Variants in EBF3 observed in about 807,000 individuals in gnomAD.
EBF3 encodes EBF transcription factor 3.
A neutral mutation model predicts 77.1 loss-of-function variants in EBF3; 18 were observed. That is an observed-to-expected ratio of 0.23 (90% CI 0.16 to 0.35). The LOEUF (loss-of-function observed/expected upper bound fraction) is 0.35, where lower values mean the gene tolerates loss of function less well. Among genes scored for constraint, EBF3 ranks in the 10% least tolerant of loss-of-function variants. The pLI is 1.00. For missense variants in EBF3, 558 were observed against 860.0 expected (o/e 0.65, Z 4.39); for synonymous variants, 350 against 343.5 (o/e 1.02, Z -0.21).
intron 6 of EBF3, among the ~76,000 whole-genome samples, chr10:129,936,416 C>T (rs1857361347): frequency 6.6e-6 from 1 of 152,232 alleles, no homozygotes; most frequent in Non-Finnish European, 1.5e-5. Flanking sequence ...GACAGGCTGC[C>T]CAGGCCCCGG....
rs1174537681 is a variant in EBF3 at position 129,944,722 on chromosome 10, C to T, written c.554+12536G>A. On this transcript the variant is annotated intron_variant, in intron 6 of 16. Coordinates refer to ENST00000440978, the MANE Select transcript of EBF3 (RefSeq NM_001375380.1). This position sits in a 1 kb window ranked among gnomAD's most constrained non-coding sequence, Gnocchi z 5.1. ...TATGCCCCATGAATCTCATTTTATGCGATTAAGATCCATAAAAATTCAATA... is the reference window on the plus strand; with the variant it reads ...TATGCCCCATGAATCTCATTTTATGTGATTAAGATCCATAAAAATTCAATA... Among the ~76,000 whole-genome samples, 1 of 151,886 alleles carries T rather than the reference C, an allele frequency of 6.6e-6. No homozygotes were observed. The highest frequency in any genetic ancestry group is 1.9e-4 in the East Asian group (1 of 5,154).
chr10:129,893,082 T>C (rs186078843), intron 6 of EBF3, among the ~76,000 whole-genome samples: 1 of 152,336 alleles, frequency 6.6e-6, no homozygotes, highest in Admixed American at 6.5e-5. Context: ...CCTATGACAA[T>C]AATTGATTGT....
chr10:129,878,596 G>A lies in EBF3; in HGVS notation c.555-747C>T, dbSNP rs117929649. 6.2e-3 allele frequency among the ~76,000 whole-genome samples: 912 copies of A among 147,448 alleles called. 6 individuals are homozygous for A. Among genetic ancestry groups the A allele is most frequent in the East Asian group, 0.049 (242 of 4,962 alleles). On this transcript the variant is annotated intron_variant, in intron 6 of 16. Coordinates refer to ENST00000440978, the MANE Select transcript of EBF3 (RefSeq NM_001375380.1). ...AGGCAGGAGAATCGCTTGAACCCAG[G>A]AGGTTCAGTGAGCCGAGATCGTGCC...
At chr10:129,945,806 T>TA (rs1858168523) in intron 6 of EBF3, among the ~76,000 whole-genome samples, 1 of 152,214 alleles carries the variant, frequency 6.6e-6, no homozygotes, top group South Asian at 2.1e-4. Context: ...AGCCTCACCA[T>TA]ACAGCTCTAT....
intron 6 of EBF3, among the ~76,000 whole-genome samples, chr10:129,915,758 G>T (rs900748154): frequency 3.3e-5 from 5 of 152,158 alleles, no homozygotes; most frequent in Non-Finnish European, 1.5e-5. Context: ...GCCCGATGCC[G>T]GCTTGTGCTT....
At chr10:129,932,580 T>C (rs1257584279) in intron 6 of EBF3, among the ~76,000 whole-genome samples, 1 of 152,220 alleles carries the variant, frequency 6.6e-6, no homozygotes, top group Non-Finnish European at 1.5e-5. Context: ...ATCAGGATGG[T>C]GAGCAGGGCA....
intron 6 of EBF3, among the ~76,000 whole-genome samples, chr10:129,905,984 A>G (rs1387041096): frequency 2.0e-5 from 3 of 152,244 alleles, no homozygotes; most frequent in Non-Finnish European, 4.4e-5. Flanking sequence ...GATCCTTACT[A>G]GAATAGATGG....
intron 10 of EBF3, among the ~76,000 whole-genome samples, chr10:129,857,399 C>A (rs527419921): frequency 3.9e-5 from 6 of 152,144 alleles, no homozygotes; most frequent in African/African-American, 4.8e-5. Context: ...GGGCCTCCCC[C>A]CTCACAGCCC....
At position 129,910,231 on chromosome 10, in the gene EBF3, CAT is replaced by C. The variant is rs888822447; in HGVS notation, c.555-32384_555-32383del. On this transcript the variant is annotated intron_variant, in intron 6 of 16. Coordinates refer to ENST00000440978, the MANE Select transcript of EBF3 (RefSeq NM_001375380.1). ...GGAATCGGAGCCTTCAATTACTTGACATGTGTCCTGTAAGCACAGACTGTACA... is the reference window on the plus strand; with the variant it reads ...GGAATCGGAGCCTTCAATTACTTGACGTGTCCTGTAAGCACAGACTGTACA... Among the ~76,000 whole-genome samples, 11 of 152,348 alleles carry C rather than the reference CAT, an allele frequency of 7.2e-5. 1 individual carries two copies. Among genetic ancestry groups the C allele is most frequent in the African/African-American group, 2.6e-4 (11 of 41,594 alleles).
chr10:129,928,211 G>A (rs991455986), intron 6 of EBF3, among the ~76,000 whole-genome samples: 4 of 152,288 alleles, frequency 2.6e-5, no homozygotes, highest in African/African-American at 9.6e-5. Flanking sequence ...TTAAAAGCAC[G>A]TTTACGATCA....
intron 6 of EBF3, among the ~76,000 whole-genome samples, chr10:129,922,793 C>A (rs989620239): frequency 1.3e-5 from 2 of 152,240 alleles, no homozygotes; most frequent in African/African-American, 4.8e-5. Flanking sequence ...GAGCTGCCCA[C>A]ATCTTACACA....
At chr10:129,934,599 C>T (rs1425845317) in intron 6 of EBF3, among the ~76,000 whole-genome samples, 1 of 152,156 alleles carries the variant, frequency 6.6e-6, no homozygotes, top group Non-Finnish European at 1.5e-5. Context: ...AAGTGGCATG[C>T]TTAGCGGTGG....
chr10:129,847,727 A>C (rs1198895677), intron 11 of EBF3, among the ~76,000 whole-genome samples: 2 of 152,246 alleles, frequency 1.3e-5, no homozygotes, highest in Admixed American at 1.3e-4. Flanking sequence ...AGACAAAATT[A>C]TATCAAAGGA....
chr10:129,859,406 G>A (rs1158370989), intron 10 of EBF3, among the ~76,000 whole-genome samples: 2 of 152,030 alleles, frequency 1.3e-5, no homozygotes, highest in African/African-American at 4.8e-5. Flanking sequence ...TGTATTTTTA[G>A]TAGAGACAGG....
At chr10:129,880,430 G>T (rs1354688498) in intron 6 of EBF3, among the ~76,000 whole-genome samples, 5 of 151,764 alleles carry the variant, frequency 3.3e-5, no homozygotes, top group South Asian at 2.1e-4. Context: ...CACACATGCA[G>T]ACACACACGC....
chr10:129,847,942 T>A (rs1394223117), intron 11 of EBF3, among the ~76,000 whole-genome samples: 11 of 152,172 alleles, frequency 7.2e-5, no homozygotes, highest in Non-Finnish European at 8.8e-5. Flanking sequence ...AAACAAAAGA[T>A]TAAACTGAAT....
At chr10:129,962,050 G>A in intron 4 of EBF3, 121 bp downstream of exon 4, 1 of 879,686 alleles carries the variant, frequency 1.1e-6, no homozygotes, top group Non-Finnish European at 1.8e-6. Context: ...TCATTAGCAT[G>A]TCAAGGAAAC....
Position 129,861,699 on chromosome 10 carries a change from G to T in EBF3, c.1039+5442C>A, listed in dbSNP as rs1176628705. Among the ~76,000 whole-genome samples, 1 of 152,142 alleles carries T rather than the reference G, an allele frequency of 6.6e-6. No individual in the cohort carries two copies. The highest frequency in any genetic ancestry group is 2.4e-5 in the African/African-American group (1 of 41,440). ...ACGGGGGGCCCCTGGCCACACCACG[G>T]GATGATGAGAGTCACTGACAGAATT... On this transcript the variant is annotated intron_variant, in intron 10 of 16. Transcript: ENST00000440978. The surrounding 1 kb of genome is among the most constrained non-coding windows in gnomAD (Gnocchi z 4.3).
chr10:129,896,752 A>T (rs1168714610), intron 6 of EBF3, among the ~76,000 whole-genome samples: 1 of 152,192 alleles, frequency 6.6e-6, no homozygotes, highest in Non-Finnish European at 1.5e-5. Context: ...GAAAAATGCC[A>T]TCTCTTCCCA....
Sources: allele counts gnomAD v4.1 joint callset (sites outside exome capture counted in the v4.1 genomes callset), GRCh38; gene constraint gnomAD v4.1.1; non-coding constraint Gnocchi (gnomAD v3.1); transcripts MANE v1.5; gene names NCBI Gene and HGNC (gene_info 2026-07-23, HGNC 2026-07-21).